Variants in KDM8 observed in about 807,000 individuals in gnomAD.
KDM8 encodes the protein lysine demethylase 8.
KDM8 carries 35 observed loss-of-function variants against 46.9 expected under a neutral mutation model. The ratio of observed to expected loss-of-function variants is 0.75; its 90% CI spans 0.57 to 0.99. The LOEUF is 0.99. Among genes scored for constraint, KDM8 ranks in the 50% least tolerant of loss-of-function variants. The probability of loss-of-function intolerance (pLI) is 0.00; values close to 1 mark genes in which losing one functional copy is unlikely to be tolerated. For missense variants in KDM8, 475 were observed against 537.0 expected, an observed-to-expected ratio of 0.88 and a Z score of 1.14; for synonymous variants, 232 against 227.7, an observed-to-expected ratio of 1.02 and a Z score of -0.17.
chr16:27,209,520 C>A (rs1050673542), intron 1 of KDM8, among the ~76,000 whole-genome samples: 1 of 152,232 alleles, frequency 6.6e-6, no homozygotes, highest in Non-Finnish European at 1.5e-5. Context: ...AGCCACCATG[C>A]CGGCCTTCTC....
At chr16:27,212,161 ACAGACTGTT>A (rs2083491133) in intron 2 of KDM8, among the ~76,000 whole-genome samples, 1 of 152,250 alleles carries the variant, frequency 6.6e-6, no homozygotes, top group East Asian at 1.9e-4. Context: ...AGGAACCTGA[ACAGACTGTT>A]CACAAGAAGG....
intron 1 of KDM8, among the ~76,000 whole-genome samples, chr16:27,208,960 A>G (rs1462119978): frequency 6.6e-6 from 1 of 152,236 alleles, no homozygotes; most frequent in Admixed American, 6.5e-5. Flanking sequence ...CCCTGTGGAT[A>G]CAAAGTCCAA....
intron 1 of KDM8, among the ~76,000 whole-genome samples, chr16:27,207,220 C>T (rs1410891026): frequency 1.3e-5 from 2 of 152,162 alleles, no homozygotes; most frequent in African/African-American, 2.4e-5. Flanking sequence ...CCAGCCTGGC[C>T]AACATGGCGA....
rs551754492 is a variant in KDM8 at position 27,204,195 on chromosome 16, G to A, written c.-32+559G>A. 5 of 1,474,974 alleles carry A rather than the reference G, an allele frequency of 3.4e-6. No individual in the cohort carries two copies. In the East Asian group the frequency reaches 1.4e-4, roughly 42 times the overall value. The allele number at this position is 1,474,974 out of a possible 1,614,324, so 91.4% of individuals were successfully genotyped here. On this transcript the variant is annotated intron_variant, in intron 1 of 7. Transcript: ENST00000286096. ...TGCGGGGTACGGGGGACCCTCTGGG[G>A]CCTGGGTGTGTGACTGCCCTAAGGA...
At position 27,216,458 on chromosome 16, in the gene KDM8, C is replaced by T. The variant is rs905926743; in HGVS notation, c.843+469C>T. ...GCTGGTGTGGTGTCTGCCAGGAGTGCCCAGGAAGGCAGCCCTTGGCAGGAT... is the reference window on the plus strand; with the variant it reads ...GCTGGTGTGGTGTCTGCCAGGAGTGTCCAGGAAGGCAGCCCTTGGCAGGAT... On this transcript the variant is annotated intron_variant, in intron 5 of 7. Transcript: ENST00000286096. 1.2e-4 allele frequency among the ~76,000 whole-genome samples: 19 copies of T among 152,110 alleles called. 1 individual carries two copies. The highest frequency in any genetic ancestry group is 9.2e-4 in the Admixed American group (14 of 15,278).
chr16:27,213,774 G>A (rs1161247215), intron 3 of KDM8, 23 bp downstream of exon 3: 1 of 1,610,930 alleles, frequency 6.2e-7, no homozygotes, highest in Non-Finnish European at 8.5e-7. Context: ...TGAGGGAGGT[G>A]AGGTCCCTTT....
At chr16:27,216,768 G>A (rs964440413) in intron 5 of KDM8, among the ~76,000 whole-genome samples, 8 of 152,136 alleles carry the variant, frequency 5.3e-5, no homozygotes, top group Non-Finnish European at 1.0e-4. Context: ...TGCATCCTGC[G>A]TCCTGTCCAT....
intron 1 of KDM8, among the ~76,000 whole-genome samples, chr16:27,205,550 G>T (rs1030984742): frequency 1.3e-5 from 2 of 152,068 alleles, no homozygotes; most frequent in African/African-American, 4.8e-5. Context: ...AATAAATAAA[G>T]CCTTCTCTGG....
At chr16:27,214,757 G>C in intron 3 of KDM8, 119 bp from the exon 4 acceptor site, 1 of 1,132,520 alleles carries the variant, frequency 8.8e-7, no homozygotes, top group Non-Finnish European at 1.3e-6. Flanking sequence ...GGGGATGACA[G>C]TCCTTGTCTC....
At chr16:27,213,510 A>G (rs2140969608) in intron 2 of KDM8, 75 bp from the exon 3 acceptor site, 1 of 1,507,910 alleles carries the variant, frequency 6.6e-7, no homozygotes, top group Non-Finnish European at 9.1e-7. Context: ...CCCCTGACAC[A>G]GGTTCCTGGT....
At chr16:27,209,623 C>T (rs1400363011) in intron 1 of KDM8, among the ~76,000 whole-genome samples, 1 of 152,234 alleles carries the variant, frequency 6.6e-6, no homozygotes, top group Non-Finnish European at 1.5e-5. Flanking sequence ...GAGCTACGTT[C>T]TTGCCCTGGT....
chr16:27,204,793 G>T (rs1393632251), intron 1 of KDM8, among the ~76,000 whole-genome samples: 1 of 152,220 alleles, frequency 6.6e-6, no homozygotes, highest in Admixed American at 6.5e-5. Context: ...GGGAGGCCGA[G>T]ACAGGCCGAT....
intron 5 of KDM8, among the ~76,000 whole-genome samples, chr16:27,216,911 C>T (rs1399238019): frequency 6.6e-6 from 1 of 152,262 alleles, no homozygotes; most frequent in East Asian, 1.9e-4. Flanking sequence ...ACCCTGGAAG[C>T]CATGGTTAAC....
In KDM8 at chr16:27,210,401, G is replaced by A. The variant is rs200613161; in HGVS notation, c.278G>A (p.Arg93Gln). ...CAGGACGTAGACAAAGACTGGCGCC[G>A]GGTCTACGCCATCGGCTGCCTCCTG... ...TWQDVDKDWR[R>Q]VYAIGCLLKA... Residue 93 changes from arginine to glutamine, a missense_variant, in exon 2 of 8, where the codon CGG (arginine) becomes CAG (glutamine). Transcript: ENST00000286096. 2.6e-5 allele frequency: 42 copies of A among 1,611,110 alleles called. No individual in the cohort carries two copies. The highest frequency in any genetic ancestry group is 1.7e-4 in the Middle Eastern group (1 of 6,054).
Position 27,220,850 on chromosome 16 carries a change from T to A in KDM8, c.*120T>A, listed in dbSNP as rs1465444931. On this transcript the variant is annotated 3_prime_UTR_variant, in exon 8 of 8. Transcript: ENST00000286096. ...AACCTGTGTCCTGAAGAGCCTTCAC[T>A]GCCCAGTGGCAGCCCTGGGGGGCTG... 2.4e-6 allele frequency: 3 copies of A among 1,229,026 alleles called. No individual in the cohort carries two copies. The African/African-American group carries it at 4.5e-5, about 18-fold the overall frequency. 76.1% of individuals were successfully genotyped at this position (1,229,026 alleles called of 1,614,324 possible).
chr16:27,210,734 G>T, intron 2 of KDM8, 113 bp downstream of exon 2: 1 of 1,031,916 alleles, frequency 9.7e-7, no homozygotes, highest in South Asian at 2.2e-5. Context: ...CAACCCCTCT[G>T]GTGGAAAACA....
intron 3 of KDM8, chr16:27,214,291 G>A (rs1457573097): frequency 6.4e-6 from 1 of 156,568 alleles, no homozygotes; most frequent in African/African-American, 2.4e-5. Flanking sequence ...TTCGCGGAGG[G>A]AATGGTACCC....
At chr16:27,217,972 G>A (rs1567266253) in intron 5 of KDM8, among the ~76,000 whole-genome samples, 1 of 152,084 alleles carries the variant, frequency 6.6e-6, no homozygotes, top group Non-Finnish European at 1.5e-5. Context: ...TGGACAGGAA[G>A]TGGACTTAGA....
At chr16:27,206,273 T>C (rs78301434) in intron 1 of KDM8, 1 of 402,146 alleles carries the variant, frequency 2.5e-6, no homozygotes, top group Non-Finnish European at 3.3e-6. Context: ...GTGCGTGTGC[T>C]TTTTTTTTTT....
Sources: allele counts gnomAD v4.1 joint callset (sites outside exome capture counted in the v4.1 genomes callset), GRCh38; gene constraint gnomAD v4.1.1; transcripts MANE v1.5; gene names NCBI Gene and HGNC (gene_info 2026-07-23, HGNC 2026-07-21).